Variants in MAP7D2 observed in about 807,000 individuals in gnomAD.
MAP7D2 encodes the protein MAP7 domain-containing protein 2.
A neutral mutation model predicts 63.5 loss-of-function variants in MAP7D2; 33 were observed. The ratio of observed to expected loss-of-function variants is 0.52; its 90% CI spans 0.39 to 0.70. The LOEUF (loss-of-function observed/expected upper bound fraction) is 0.70. Ranked by LOEUF, MAP7D2 falls within the 30% of genes least tolerant of loss-of-function variation. The pLI is 0.00. For missense variants in MAP7D2, 626 were observed against 604.0 expected, an observed-to-expected ratio of 1.04 and a Z score of -0.38; for synonymous variants, 224 against 223.7, an observed-to-expected ratio of 1.00 and a Z score of -0.01.
chrX:20,051,730 T>A (rs1289088104), intron 5 of MAP7D2, among the ~76,000 whole-genome samples: 1 of 112,251 alleles, frequency 8.9e-6, no homozygotes, highest in Non-Finnish European at 1.9e-5. Context: ...CTTTTCATAC[T>A]TTTTACATGT....
intron 10 of MAP7D2, among the ~76,000 whole-genome samples, chrX:20,021,841 G>A (rs73445239): frequency 0.024 from 2,646 of 111,585 alleles, 82 homozygotes; most frequent in African/African-American, 0.082. Context: ...GCTTTTGCAT[G>A]TCTGCCTTCA....
chrX:20,109,567 A>T (rs1309946105), intron 1 of MAP7D2, among the ~76,000 whole-genome samples: 1 of 109,289 alleles, frequency 9.2e-6, no homozygotes, highest in Non-Finnish European at 1.9e-5. Context: ...GAAGTCAAAC[A>T]CACTTGGGTG....
rs766551558 is a variant in MAP7D2, at chrX:20,025,696, C to T, written c.1264G>A (p.Ala422Thr). ...EKHAAAAGGK[A>T]ENSAALGKPT... ...CAGCATCTACCTGCGCTGTTTTCGGCTTTCCCTCCTGCGGCAGCAGCATGC... is the reference window on the plus strand; with the variant it reads ...CAGCATCTACCTGCGCTGTTTTCGGTTTTCCCTCCTGCGGCAGCAGCATGC... Residue 422 changes from alanine (A) to threonine (T), a missense_variant, in exon 9 of 17, where the codon GCC becomes ACC. Ala to Thr is a moderately conservative substitution (Grantham distance 58). Coordinates refer to ENST00000379643, the MANE Select transcript of MAP7D2 (RefSeq NM_001168465.2). 1.2e-5 allele frequency: 15 copies of T among 1,211,944 alleles called. No individual in the cohort carries two copies. The Admixed American group carries it at 1.7e-4, about 14-fold the overall frequency.
At chrX:20,034,515 C>T (rs1569517684) in intron 8 of MAP7D2, among the ~76,000 whole-genome samples, 1 of 111,210 alleles carries the variant, frequency 9.0e-6, no homozygotes, top group African/African-American at 3.3e-5. Flanking sequence ...AACCCTAACC[C>T]CATGGTGGTG....
chrX:20,026,059 A>C (rs2073832958), intron 8 of MAP7D2, 107 bp from the exon 9 acceptor site: 1 of 905,205 alleles, frequency 1.1e-6, no homozygotes, highest in Non-Finnish European at 1.5e-6. Flanking sequence ...ATCCTTCCAG[A>C]GGAAGGAAAA....
chrX:20,088,468 G>GTTTTTTT lies in MAP7D2; in HGVS notation c.131-23670_131-23664dup, dbSNP rs779366726. Among the ~76,000 whole-genome samples, 23 of 41,064 alleles carry GTTTTTTT rather than the reference G, an allele frequency of 5.6e-4. 6 individuals are homozygous for GTTTTTTT. The East Asian group carries it at 6.0e-3, about 11-fold the overall frequency. The allele number at this position is 41,064 out of a possible 115,157, so 35.7% of individuals were successfully genotyped here. A position where few individuals can be genotyped will look rare whatever the true frequency, so the allele number is the denominator to read the frequency against. On this transcript the variant is annotated intron_variant, in intron 1 of 16. Transcript: ENST00000379643. ...CCCCACCACACCCAGCTAATTTTCA[G>GTTTTTTT]TTTTTTTTTTTTTTTTTTTTTTTTT... is the stretch of plus-strand genomic sequence containing the variant.
intron 6 of MAP7D2, among the ~76,000 whole-genome samples, chrX:20,049,512 A>ACTG: frequency 9.1e-6 from 1 of 110,485 alleles, no homozygotes; most frequent in Non-Finnish European, 1.9e-5. Flanking sequence ...CCTCAAGTGA[A>ACTG]CTGCCCACCT....
intron 9 of MAP7D2, among the ~76,000 whole-genome samples, chrX:20,025,452 C>T (rs1487535004): frequency 8.9e-6 from 1 of 111,909 alleles, no homozygotes; most frequent in East Asian, 2.8e-4. Context: ...TCCCCGTGAG[C>T]TTCCACAGCC....
intron 8 of MAP7D2, among the ~76,000 whole-genome samples, chrX:20,034,390 C>T (rs183745780): frequency 4.6e-4 from 51 of 110,654 alleles, no homozygotes; most frequent in African/African-American, 1.5e-3. Flanking sequence ...TCAACATTTT[C>T]CCTATCTGCC....
chrX:20,080,885 C>T (rs1032436564), intron 1 of MAP7D2, among the ~76,000 whole-genome samples: 1 of 112,227 alleles, frequency 8.9e-6, no homozygotes, highest in Non-Finnish European at 1.9e-5. Context: ...CAGCCTAACC[C>T]AGCCAGTATT....
At chrX:20,037,188 G>A (rs1339651381) in intron 8 of MAP7D2, among the ~76,000 whole-genome samples, 1 of 111,355 alleles carries the variant, frequency 9.0e-6, no homozygotes, top group Non-Finnish European at 1.9e-5. Context: ...GCAAGCTGAG[G>A]AGCAAGGAAG....
chrX:20,010,637 G>T, intron 16 of MAP7D2, 140 bp downstream of exon 16: 1 of 479,370 alleles, frequency 2.1e-6, no homozygotes, highest in Non-Finnish European at 3.4e-6. Context: ...TCTTGTGTGT[G>T]TTGTAGTATA....
At chrX:20,099,795 T>G (rs1374915504) in intron 1 of MAP7D2, among the ~76,000 whole-genome samples, 1 of 112,311 alleles carries the variant, frequency 8.9e-6, no homozygotes, top group East Asian at 2.8e-4. Flanking sequence ...AGTAGCCAGC[T>G]GGAACTGTAT....
Position 20,012,365 on chromosome X carries a change from G to T in MAP7D2, c.2056C>A (p.Gln686Lys). 8.3e-7 allele frequency: 1 copy of T among 1,202,293 alleles called. No homozygotes were observed. Among genetic ancestry groups the T allele is most frequent in the Non-Finnish European group, 1.1e-6 (1 of 890,562 alleles). The change falls in exon 15 of 17, where the codon CAG becomes AAG. Residue 686 changes from glutamine to lysine, a missense_variant. Coordinates refer to ENST00000379643, the MANE Select transcript of MAP7D2 (RefSeq NM_001168465.2). ...TGAATATACCTCACATCCATAGACTGAACTTCTTCAGTTGAATCATCCAGG... is the reference window on the plus strand; with the variant it reads ...TGAATATACCTCACATCCATAGACTTAACTTCTTCAGTTGAATCATCCAGG... ...NSLDDSTEEV[Q>K]SMDVSPVSKE...
At chrX:20,114,904 T>C (rs2066849319) in intron 1 of MAP7D2, among the ~76,000 whole-genome samples, 1 of 112,063 alleles carries the variant, frequency 8.9e-6, no homozygotes, top group Non-Finnish European at 1.9e-5. Flanking sequence ...CAGATAATTA[T>C]AAAACCTCAA....
At chrX:20,011,169 T>G (rs2073188250) in intron 15 of MAP7D2, 117 bp from the exon 16 acceptor site, 1 of 774,447 alleles carries the variant, frequency 1.3e-6, no homozygotes, top group African/African-American at 2.1e-5. Context: ...AAGAAGGATT[T>G]AGAGTCAGAG....
chrX:20,022,144 C>T (rs1453081421), intron 10 of MAP7D2, among the ~76,000 whole-genome samples: 1 of 111,630 alleles, frequency 9.0e-6, no homozygotes, highest in East Asian at 2.8e-4. Flanking sequence ...CAAGACTTGA[C>T]CTGCATTTTG....
At chrX:20,014,504 G>A (rs1023903159) in intron 12 of MAP7D2, among the ~76,000 whole-genome samples, 1 of 110,552 alleles carries the variant, frequency 9.0e-6, no homozygotes, top group Non-Finnish European at 1.9e-5. Flanking sequence ...GGAGGTGGAG[G>A]TTGTGGTGAG....
intron 6 of MAP7D2, among the ~76,000 whole-genome samples, chrX:20,046,941 G>A (rs2064813830): frequency 8.9e-6 from 1 of 112,739 alleles, no homozygotes; most frequent in Non-Finnish European, 1.9e-5. Context: ...TTCCATAACT[G>A]CTCCTGGAAG....
Sources: allele counts gnomAD v4.1 joint callset (sites outside exome capture counted in the v4.1 genomes callset), GRCh38; gene constraint gnomAD v4.1.1; transcripts MANE v1.5; gene names NCBI Gene and HGNC (gene_info 2026-07-23, HGNC 2026-07-21).